ZNF536: variants seen among roughly 807,000 people sequenced by gnomAD.
ZNF536 encodes the protein zinc finger protein 536.
ZNF536 carries 13 observed loss-of-function variants against 84.5 expected under a neutral mutation model. The observed-to-expected ratio is 0.15, with a 90% CI of 0.10 to 0.24. The LOEUF is 0.24. ZNF536 is among the 10% of genes least tolerant of loss of function. The pLI, the probability that ZNF536 is intolerant of heterozygous loss-of-function variation, is 1.00. For missense variants in ZNF536, 1,536 were observed against 1,747.5 expected (o/e 0.88, Z 2.16); for synonymous variants, 811 against 742.5 (o/e 1.09, Z -1.50).
At chr19:30,701,215 ACACG>A (rs765821504) in intron 1 of ZNF536, among the ~76,000 whole-genome samples, 1 of 139,390 alleles carries the variant, frequency 7.2e-6, no homozygotes, top group East Asian at 2.1e-4. Flanking sequence ...ACACACACAC[ACACG>A]CAAACACACA....
chr19:30,463,748 G>A (rs1057475657), intron 2 of ZNF536, among the ~76,000 whole-genome samples: 2 of 152,180 alleles, frequency 1.3e-5, no homozygotes, highest in African/African-American at 2.4e-5. Flanking sequence ...CACAGGGCCT[G>A]CCACCGTAGA....
At chr19:30,319,082 T>C (rs938984748) in intron 2 of ZNF536, among the ~76,000 whole-genome samples, 17 of 152,216 alleles carry the variant, frequency 1.1e-4, no homozygotes, top group African/African-American at 3.9e-4. Context: ...CTGAGAGCGT[T>C]TTCCAGATCG....
intron 1 of ZNF536, among the ~76,000 whole-genome samples, chr19:30,425,678 G>A (rs982686830): frequency 6.6e-6 from 1 of 152,172 alleles, no homozygotes; most frequent in African/African-American, 2.4e-5. Flanking sequence ...GCAAGCCCTA[G>A]TTATCACTCT....
upstream of ZNF536, among the ~76,000 whole-genome samples, chr19:30,371,700 T>A (rs2048617965): frequency 6.6e-6 from 1 of 151,728 alleles, no homozygotes. Context: ...GAGGGGGCAT[T>A]GCCAGCCAGC....
At chr19:30,339,727 C>T (rs994082231) in intron 2 of ZNF536, among the ~76,000 whole-genome samples, 2 of 152,148 alleles carry the variant, frequency 1.3e-5, no homozygotes, top group African/African-American at 4.8e-5. Context: ...GGGGCTGCTA[C>T]AGCCCTGGAG....
intron 1 of ZNF536, among the ~76,000 whole-genome samples, chr19:30,430,148 C>G (rs554106570): frequency 6.6e-6 from 1 of 152,244 alleles, no homozygotes; most frequent in East Asian, 1.9e-4. Flanking sequence ...TCTCACCTGG[C>G]TGTGCCTCCA....
chr19:30,636,011 G>A (rs976485826), intron 1 of ZNF536, among the ~76,000 whole-genome samples: 2 of 152,184 alleles, frequency 1.3e-5, no homozygotes. Context: ...TGGCTGCAAC[G>A]TTTTCCAGAA....
At chr19:30,433,269 T>C (rs1402480663) in intron 1 of ZNF536, among the ~76,000 whole-genome samples, 1 of 152,204 alleles carries the variant, frequency 6.6e-6, no homozygotes, top group Non-Finnish European at 1.5e-5. Flanking sequence ...GTGACCAGCA[T>C]GCTGAAGCTC....
intron 1 of ZNF536, among the ~76,000 whole-genome samples, chr19:30,663,820 A>G (rs1260314391): frequency 6.6e-6 from 1 of 152,246 alleles, no homozygotes; most frequent in Non-Finnish European, 1.5e-5. Flanking sequence ...ATTAAAAAAT[A>G]GGCATGTTTT....
At chr19:30,646,540 T>A (rs1331649430) in intron 1 of ZNF536, among the ~76,000 whole-genome samples, 2 of 152,204 alleles carry the variant, frequency 1.3e-5, no homozygotes, top group African/African-American at 2.4e-5. Context: ...TGTGTACGTG[T>A]GGATGTGTGA....
intron 1 of ZNF536, among the ~76,000 whole-genome samples, chr19:30,377,572 C>A (rs1448638464): frequency 6.6e-6 from 1 of 151,996 alleles, no homozygotes; most frequent in Admixed American, 6.6e-5. Context: ...ATGAGTCCAC[C>A]CTAGGTCCAA....
At position 30,397,857 on chromosome 19, in the gene ZNF536, GAGAA is replaced by G. The variant is rs2049885956; in HGVS notation, c.-3+25305_-3+25308del. Reference sequence around the variant, plus strand: ...GGCATGAGAGAGATAGAAGGAGAGAGAGAAAGAGAGAATACCCTAACAGAAAGAA... The same window carrying G: ...GGCATGAGAGAGATAGAAGGAGAGAGAGAGAGAATACCCTAACAGAAAGAA... On this transcript the variant is annotated intron_variant, in intron 1 of 4. Transcript: ENST00000355537. Among the ~76,000 whole-genome samples the G allele has an allele frequency of 3.9e-5, 6 of 152,336 alleles. No homozygotes were observed. In the South Asian group the frequency reaches 1.2e-3, roughly 32 times the overall value.
At chr19:30,454,664 G>T (rs950760579) in intron 2 of ZNF536, among the ~76,000 whole-genome samples, 1 of 152,204 alleles carries the variant, frequency 6.6e-6, no homozygotes, top group Non-Finnish European at 1.5e-5. Flanking sequence ...GAGAGAGAAG[G>T]CTTGGCAGTG....
intron 1 of ZNF536, among the ~76,000 whole-genome samples, chr19:30,435,128 A>C (rs917204229): frequency 6.7e-6 from 1 of 148,976 alleles, no homozygotes; most frequent in Non-Finnish European, 1.5e-5. Flanking sequence ...GGTGATGATG[A>C]TGCTGATGAT....
chr19:30,504,229 CCCTT>C (rs560047788), intron 2 of ZNF536, among the ~76,000 whole-genome samples: 13 of 150,328 alleles, frequency 8.6e-5, no homozygotes, highest in South Asian at 2.1e-4. Flanking sequence ...CTTCTTCTTT[CCCTT>C]CCTTCCTTCC....
At chr19:30,694,840 G>A (rs952872719) in intron 1 of ZNF536, among the ~76,000 whole-genome samples, 1 of 152,136 alleles carries the variant, frequency 6.6e-6, no homozygotes, top group Non-Finnish European at 1.5e-5. Context: ...TCACAGTCAG[G>A]GTGGGCCGTG....
chr19:30,688,804 G>C (rs1210907614), intron 1 of ZNF536, among the ~76,000 whole-genome samples: 3 of 152,176 alleles, frequency 2.0e-5, no homozygotes, highest in Non-Finnish European at 4.4e-5. Context: ...CTTACTGGGG[G>C]AAACTCTGTG....
In ZNF536 at chr19:30,534,943, G is replaced by A. The variant is rs2045007587; in HGVS notation, c.2267G>A (p.Cys756Tyr). The change falls in exon 3 of 5, where the codon TGT becomes TAT. Residue 756 changes from cysteine to tyrosine, a missense_variant. Cys to Tyr is a radical substitution (Grantham distance 194). Coordinates refer to ENST00000355537, the MANE Select transcript of ZNF536 (RefSeq NM_014717.3). ...LGSAMKDCPY[C>Y]GKTFRTSHHL... ...TCGGCCATGAAGGACTGCCCGTACT[G>A]TGGGAAAACTTTCCGGACATCCCAT... 6.2e-7 allele frequency: 1 copy of A among 1,613,924 alleles called. No individual in the cohort carries two copies. The highest frequency in any genetic ancestry group is 8.5e-7 in the Non-Finnish European group (1 of 1,179,900).
exon 2 of ZNF536, chr19:30,711,702 G>A (rs1197041992): frequency 6.6e-6 from 1 of 152,062 alleles, no homozygotes; most frequent in Non-Finnish European, 1.5e-5. Context: ...TCCATTGCAG[G>A]TTTGATGAGT....
Sources: allele counts gnomAD v4.1 joint callset (sites outside exome capture counted in the v4.1 genomes callset), GRCh38; gene constraint gnomAD v4.1.1; transcripts MANE v1.5; gene names NCBI Gene and HGNC (gene_info 2026-07-23, HGNC 2026-07-21).